RELN: variants seen among roughly 807,000 people sequenced by gnomAD.
The protein encoded by RELN is reelin.
RELN carries 108 observed loss-of-function variants against 427.6 expected under a neutral mutation model. The ratio of observed to expected loss-of-function variants is 0.25; its 90% CI spans 0.22 to 0.30. RELN has a LOEUF of 0.30. RELN is among the 10% of genes least tolerant of loss of function. The pLI is 1.00. For synonymous variants in RELN, 1,524 were observed against 1,513.4 expected, an observed-to-expected ratio of 1.01 and a Z score of -0.16; for missense variants, 3,715 against 4,302.8, an observed-to-expected ratio of 0.86 and a Z score of 3.82.
Position 103,672,154 on chromosome 7 carries a change from A to G in RELN, c.1289+9962T>C, listed in dbSNP as rs73408776. ...TTTAATAAAAGTATCAACTTACATC[A>G]AAAGGGCTACAATGGAGATTGTTCT... On this transcript the variant is annotated intron_variant, in intron 11 of 64. Transcript: ENST00000428762. Among the ~76,000 whole-genome samples the G allele has an allele frequency of 5.9e-3, 896 of 152,274 alleles. 9 individuals are homozygous for G. The highest frequency in any genetic ancestry group is 0.021 in the African/African-American group (870 of 41,560).
chr7:103,608,018 G>C (rs1164354609), intron 22 of RELN, among the ~76,000 whole-genome samples: 1 of 152,146 alleles, frequency 6.6e-6, no homozygotes, highest in Non-Finnish European at 1.5e-5. Flanking sequence ...ATTTCCCAAA[G>C]TTAACAAATA....
At chr7:103,750,921 G>A (rs1790982890) in intron 5 of RELN, among the ~76,000 whole-genome samples, 1 of 152,204 alleles carries the variant, frequency 6.6e-6, no homozygotes, top group African/African-American at 2.4e-5. Flanking sequence ...CTTTGGGCAT[G>A]TCAAGTGCAA....
intron 4 of RELN, among the ~76,000 whole-genome samples, chr7:103,769,332 C>G (rs1316911280): frequency 6.6e-6 from 1 of 152,192 alleles, no homozygotes; most frequent in Non-Finnish European, 1.5e-5. Context: ...TCACACTCAG[C>G]TGGCTTGCCC....
chr7:103,555,596 C>A lies in RELN; in HGVS notation c.5797+1381G>T, dbSNP rs182611022. 5.7e-3 allele frequency among the ~76,000 whole-genome samples: 866 copies of A among 152,230 alleles called. 6 individuals are homozygous for A. The highest frequency in any genetic ancestry group is 0.01 in the Admixed American group (159 of 15,292). On this transcript the variant is annotated intron_variant, in intron 38 of 64. Coordinates refer to ENST00000428762, the MANE Select transcript of RELN (RefSeq NM_005045.4). The stretch of plus-strand genomic sequence containing the variant: ...CAGTGATTCTCCTGCCTCAGACTCC[C>A]AAGTAGCTGGGATTACAGGTGTGTG...
chr7:103,851,905 T>C lies in RELN; in HGVS notation c.338-18233A>G, dbSNP rs190963034. The stretch of plus-strand genomic sequence containing the variant: ...CACGGAACAGAAAATGTGAGCCCTC[T>C]GTGTTCTTTATTCCTTTGTCTTGAT... On this transcript the variant is annotated intron_variant, in intron 2 of 64. Transcript: ENST00000428762. Among the ~76,000 whole-genome samples the C allele has an allele frequency of 5.3e-5, 8 of 152,314 alleles. No individual in the cohort carries two copies. The East Asian group carries it at 1.5e-3, about 29-fold the overall frequency.
chr7:103,566,322 G>C lies in RELN; in HGVS notation c.4838C>G (p.Ser1613Cys), dbSNP rs201945386. ...QTGFQDKFDG[S>C]IDLQANWYRI... The stretch of plus-strand genomic sequence containing the variant: ...ATACCAGTTGGCTTGCAAATCTATA[G>C]AGCCATCAAATTTGTCTTGAAATCC... Residue 1613 changes from serine to cysteine, a missense_variant, in exon 33 of 65, where the codon TCT becomes TGT. By Grantham distance (112) the Ser-to-Cys change is moderately radical (BLOSUM62 -1). Around this residue, in one of 4 missense-constraint regions of RELN, gnomAD observed 2,208 missense variants for 2,361.7 expected, o/e 0.93. Transcript: ENST00000428762. 2.5e-6 allele frequency: 4 copies of C among 1,613,838 alleles called. No homozygotes were observed. The highest frequency in any genetic ancestry group is 1.3e-5 in the African/African-American group (1 of 74,880).
chr7:103,596,107 C>T lies in RELN; in HGVS notation c.3539+349G>A, dbSNP rs541015175. ...CTTACTGTTAAATCTAAGAGCTAAG[C>T]ATAATTTGTGTGTGCATTAAAAATA... is the stretch of plus-strand genomic sequence containing the variant. On this transcript the variant is annotated intron_variant, in intron 25 of 64. Coordinates refer to ENST00000428762, the MANE Select transcript of RELN (RefSeq NM_005045.4). 3.9e-5 allele frequency among the ~76,000 whole-genome samples: 6 copies of T among 152,226 alleles called. No individual in the cohort carries two copies. In the South Asian group the frequency reaches 1.2e-3, roughly 32 times the overall value.
At chr7:103,650,154 G>A in intron 16 of RELN, 120 bp downstream of exon 16, 1 of 743,186 alleles carries the variant, frequency 1.3e-6, no homozygotes, top group South Asian at 1.4e-5. Flanking sequence ...ATGGAAGAAA[G>A]GGTGTTTAAT....
intron 3 of RELN, among the ~76,000 whole-genome samples, chr7:103,816,485 A>G (rs10246886): frequency 6.6e-6 from 1 of 151,110 alleles, no homozygotes; most frequent in African/African-American, 2.4e-5. Context: ...CCCAAAAGAA[A>G]ACAATGAGAT....
At chr7:103,975,978 G>A (rs1796871573) in intron 1 of RELN, among the ~76,000 whole-genome samples, 1 of 152,088 alleles carries the variant, frequency 6.6e-6, no homozygotes, top group Non-Finnish European at 1.5e-5. Flanking sequence ...CAAGAGAATA[G>A]CACTGCAAAA....
At chr7:103,502,111 T>C (rs1433720194) in intron 52 of RELN, among the ~76,000 whole-genome samples, 4 of 152,216 alleles carry the variant, frequency 2.6e-5, no homozygotes, top group African/African-American at 9.6e-5. Flanking sequence ...TAGAGTTCAC[T>C]TATCTTTGGA....
intron 2 of RELN, among the ~76,000 whole-genome samples, chr7:103,872,513 A>T (rs1241168772): frequency 7.5e-6 from 1 of 132,650 alleles, no homozygotes; most frequent in Non-Finnish European, 1.6e-5. Context: ...GAATAATGCC[A>T]CAATAAACAT....
At chr7:103,493,605 C>T (rs532418056) in intron 57 of RELN, among the ~76,000 whole-genome samples, 1 of 152,112 alleles carries the variant, frequency 6.6e-6, no homozygotes, top group Non-Finnish European at 1.5e-5. Context: ...GTGAGAATGT[C>T]TATGGAGAGA....
intron 6 of RELN, among the ~76,000 whole-genome samples, chr7:103,748,747 T>C (rs78328741): frequency 0.017 from 2,663 of 152,308 alleles, 72 homozygotes; most frequent in African/African-American, 0.061. Context: ...AGTTGCTAAT[T>C]TATCTTGAAC....
chr7:103,987,946 AG>A (rs1797137827), intron 1 of RELN, among the ~76,000 whole-genome samples: 1 of 152,200 alleles, frequency 6.6e-6, no homozygotes, highest in Non-Finnish European at 1.5e-5. Context: ...ATAGATATCA[AG>A]GTTTTTTTAA....
intron 33 of RELN, 144 bp from the exon 34 acceptor site, chr7:103,565,695 A>C (rs1489946617): frequency 1.1e-5 from 8 of 750,128 alleles, no homozygotes; most frequent in Non-Finnish European, 1.7e-5. Flanking sequence ...TTTTCTTCTT[A>C]TATTTTCTGC....
At chr7:103,862,663 T>C (rs1311186778) in intron 2 of RELN, among the ~76,000 whole-genome samples, 1 of 152,116 alleles carries the variant, frequency 6.6e-6, no homozygotes, top group Non-Finnish European at 1.5e-5. Flanking sequence ...ATTACATTTC[T>C]ACTGAAATAA....
At chr7:103,498,292 T>A in intron 53 of RELN, 40 bp from the exon 54 acceptor site, 1 of 1,553,020 alleles carries the variant, frequency 6.4e-7, no homozygotes, top group Non-Finnish European at 8.9e-7. Context: ...AAAAAACAAT[T>A]TCAGATAACT....
chr7:103,918,710 C>T (rs1437036619), intron 1 of RELN, among the ~76,000 whole-genome samples: 1 of 151,932 alleles, frequency 6.6e-6, no homozygotes, highest in Non-Finnish European at 1.5e-5. Flanking sequence ...AGCTTGTTTC[C>T]AGAGGAAAAG....
Sources: allele counts gnomAD v4.1 joint callset (sites outside exome capture counted in the v4.1 genomes callset), GRCh38; gene constraint gnomAD v4.1.1; regional missense constraint gnomAD v4.1.1; transcripts MANE v1.5; gene names NCBI Gene and HGNC (gene_info 2026-07-23, HGNC 2026-07-21).